Variants in KSR2 observed in about 807,000 individuals in gnomAD.
KSR2 encodes kinase suppressor of ras 2.
A neutral mutation model predicts 107.8 loss-of-function variants in KSR2; 25 were observed. The observed-to-expected ratio is 0.23, with a 90% confidence interval of 0.17 to 0.32. The LOEUF (loss-of-function observed/expected upper bound fraction) is 0.32, where lower values mean the gene tolerates loss of function less well. Among genes scored for constraint, KSR2 ranks in the 10% least tolerant of loss-of-function variants. The pLI, the probability that KSR2 is intolerant of heterozygous loss-of-function variation, is 1.00. For synonymous variants in KSR2, 480 were observed against 507.0 expected (o/e 0.95, Z 0.71); for missense variants, 887 against 1,268.9 (o/e 0.70, Z 4.57).
chr12:117,842,392 G>T lies in KSR2; in HGVS notation c.472+13036C>A, dbSNP rs1020150530. Among the ~76,000 whole-genome samples the T allele has an allele frequency of 6.6e-6, 1 of 152,168 alleles. No individual in the cohort carries two copies. Among genetic ancestry groups the T allele is most frequent in the East Asian group, 1.9e-4 (1 of 5,186 alleles). ...AGAAGGGCTGTGCAAAGGCCCTGGG[G>T]CAGGCGTTGTGAAGAAGAGAGGGTA... On this transcript the variant is annotated intron_variant, in intron 3 of 19. Coordinates refer to ENST00000339824, the MANE Select transcript of KSR2 (RefSeq NM_173598.6). The surrounding 1 kb of genome is among the most constrained non-coding windows in gnomAD (Gnocchi z 4.2).
intron 4 of KSR2, among the ~76,000 whole-genome samples, chr12:117,735,028 T>A (rs1887887754): frequency 1.3e-5 from 2 of 152,150 alleles, no homozygotes; most frequent in Admixed American, 1.3e-4. Context: ...GCCTCAGCTG[T>A]CTCCAGACTT....
At chr12:117,720,264 C>T (rs1887154638) in intron 4 of KSR2, among the ~76,000 whole-genome samples, 1 of 152,150 alleles carries the variant, frequency 6.6e-6, no homozygotes, top group Non-Finnish European at 1.5e-5. Flanking sequence ...GAAGACCACA[C>T]CAATGATCTA....
At chr12:117,660,145 T>C (rs1264755256) in intron 5 of KSR2, among the ~76,000 whole-genome samples, 1 of 152,228 alleles carries the variant, frequency 6.6e-6, no homozygotes, top group Admixed American at 6.5e-5. Flanking sequence ...TGACTTGCCA[T>C]GATTATACAG....
intron 4 of KSR2, among the ~76,000 whole-genome samples, chr12:117,749,158 G>C (rs970810536): frequency 9.8e-6 from 1 of 102,364 alleles, no homozygotes; most frequent in Non-Finnish European, 1.9e-5. Flanking sequence ...ATACCTCCCA[G>C]GCCGAGACAC....
intron 14 of KSR2, among the ~76,000 whole-genome samples, chr12:117,498,004 C>A (rs1873146855): frequency 6.6e-6 from 1 of 152,188 alleles, no homozygotes; most frequent in African/African-American, 2.4e-5. Flanking sequence ...AAGGCACTGT[C>A]CTGAGAACTT....
chr12:117,620,450 T>A (rs145255147), intron 5 of KSR2, among the ~76,000 whole-genome samples: 1,908 of 152,312 alleles, frequency 0.013, 20 homozygotes, highest in Admixed American at 0.026. Flanking sequence ...CATTAGTTGA[T>A]GTTTGCTTAG....
At chr12:117,606,121 C>T (rs1011889137) in intron 5 of KSR2, among the ~76,000 whole-genome samples, 2 of 151,982 alleles carry the variant, frequency 1.3e-5, no homozygotes, top group Non-Finnish European at 2.9e-5. Context: ...ACAGGGCTTA[C>T]CTGGCATGCA....
intron 14 of KSR2, among the ~76,000 whole-genome samples, chr12:117,514,938 T>TAGAG (rs1874271556): frequency 2.0e-5 from 3 of 152,144 alleles, no homozygotes; most frequent in Non-Finnish European, 4.4e-5. Context: ...ACCTCCTACC[T>TAGAG]CTAAGCCTTT....
At chr12:117,799,043 T>C (rs7297777) in intron 3 of KSR2, among the ~76,000 whole-genome samples, 82,451 of 151,970 alleles carry the variant, frequency 0.54, 22,712 homozygotes, top group East Asian at 0.7. Context: ...GGCAAATCCA[T>C]AGTGGATTGC....
At chr12:117,731,982 T>C (rs200510699) in intron 4 of KSR2, among the ~76,000 whole-genome samples, 155 of 149,288 alleles carry the variant, frequency 1.0e-3, no homozygotes, top group East Asian at 9.0e-3. Context: ...ACTATTGTCC[T>C]ATGACCCTGC....
intron 1 of KSR2, among the ~76,000 whole-genome samples, chr12:117,915,678 A>G (rs1298676217): frequency 6.6e-6 from 1 of 152,186 alleles, no homozygotes; most frequent in Non-Finnish European, 1.5e-5. Context: ...CAAGTTTAAA[A>G]ACTTCGGCTC....
intron 2 of KSR2, among the ~76,000 whole-genome samples, chr12:117,856,064 G>T (rs560405465): frequency 1.3e-5 from 2 of 152,160 alleles, no homozygotes; most frequent in South Asian, 2.1e-4. Flanking sequence ...CTGGCTGCAG[G>T]GTCTAGGGCT....
chr12:117,652,797 A>G (rs1883958573), intron 5 of KSR2, among the ~76,000 whole-genome samples: 1 of 152,166 alleles, frequency 6.6e-6, no homozygotes. Context: ...GTAGGAGCTT[A>G]TGGAGGTCAG....
At chr12:117,806,203 G>A (rs554219495) in intron 3 of KSR2, among the ~76,000 whole-genome samples, 5 of 152,276 alleles carry the variant, frequency 3.3e-5, no homozygotes, top group East Asian at 3.9e-4. Context: ...ATGGGATTCC[G>A]GAGGCACTTG....
intron 5 of KSR2, among the ~76,000 whole-genome samples, chr12:117,623,985 G>A (rs1297892434): frequency 2.0e-5 from 3 of 152,216 alleles, no homozygotes; most frequent in Non-Finnish European, 4.4e-5. Context: ...GGCCAGTGAT[G>A]ATGAGCATTT....
At chr12:117,723,531 G>A (rs185306631) in intron 4 of KSR2, among the ~76,000 whole-genome samples, 4 of 152,120 alleles carry the variant, frequency 2.6e-5, no homozygotes, top group African/African-American at 9.6e-5. Context: ...ATGGGAACTC[G>A]TATCTTTCTC....
chr12:117,860,518 C>T (rs1893256367), intron 1 of KSR2, 87 bp from the exon 2 acceptor site: 3 of 1,323,922 alleles, frequency 2.3e-6, no homozygotes, highest in Non-Finnish European at 3.1e-6. Context: ...GAACCCCCAC[C>T]CTAAACCCAG....
intron 14 of KSR2, among the ~76,000 whole-genome samples, chr12:117,493,643 T>C (rs1001107944): frequency 4.6e-5 from 7 of 152,216 alleles, no homozygotes; most frequent in Non-Finnish European, 1.0e-4. Flanking sequence ...GCCTGGAGCC[T>C]ATGATGACGA....
intron 3 of KSR2, among the ~76,000 whole-genome samples, chr12:117,831,165 C>CTCTT (rs1333090411): frequency 1.3e-5 from 2 of 152,236 alleles, no homozygotes; most frequent in Non-Finnish European, 2.9e-5. Context: ...CTTCATTTCA[C>CTCTT]TCTTTCTTTC....
Sources: gnomAD v4.1 joint callset for allele counts (sites outside exome capture counted in the v4.1 genomes callset) on GRCh38, gnomAD v4.1.1 for gene constraint, Gnocchi (gnomAD v3.1) non-coding constraint, MANE v1.5 for transcripts, NCBI Gene and HGNC (gene_info 2026-07-23, HGNC 2026-07-21) for gene names.